FSTL5: variants seen among roughly 807,000 people sequenced by gnomAD.
FSTL5 encodes follistatin like 5.
Under a neutral mutation model 89.1 loss-of-function variants are expected in FSTL5, and 62 were observed. The ratio of observed to expected loss-of-function variants is 0.70; its 90% CI spans 0.57 to 0.86. The LOEUF is 0.86. FSTL5 is among the 40% of genes least tolerant of loss of function. The probability of loss-of-function intolerance (pLI) is 0.00; values close to 1 mark genes in which losing one functional copy is unlikely to be tolerated. For missense variants in FSTL5, 1,057 were observed against 1,001.6 expected (o/e 1.06, Z -0.75); for synonymous variants, 383 against 346.2 (o/e 1.11, Z -1.18).
intron 15 of FSTL5, among the ~76,000 whole-genome samples, chr4:161,436,448 A>G (rs1228275354): frequency 6.6e-6 from 1 of 152,096 alleles, no homozygotes; most frequent in Non-Finnish European, 1.5e-5. Context: ...CTATCCCTGG[A>G]CATTTTCATG....
intron 15 of FSTL5, among the ~76,000 whole-genome samples, chr4:161,406,576 A>C (rs1248634602): frequency 6.6e-6 from 1 of 152,124 alleles, no homozygotes; most frequent in African/African-American, 2.4e-5. Context: ...TTATTAAAAA[A>C]CAGTCTGGAG....
chr4:161,926,149 T>G (rs1053918449), intron 3 of FSTL5, among the ~76,000 whole-genome samples: 3 of 151,880 alleles, frequency 2.0e-5, no homozygotes, highest in African/African-American at 7.2e-5. Context: ...CACAGAAGAT[T>G]GAGCACAGTA....
At chr4:161,975,891 G>A (rs529934729) in intron 3 of FSTL5, among the ~76,000 whole-genome samples, 36 of 151,008 alleles carry the variant, frequency 2.4e-4, no homozygotes, top group African/African-American at 7.7e-4. Context: ...CGAGGCGGGC[G>A]GATCACGAGG....
At chr4:161,981,314 T>A (rs1200967148) in intron 3 of FSTL5, among the ~76,000 whole-genome samples, 1 of 152,122 alleles carries the variant, frequency 6.6e-6, no homozygotes, top group Non-Finnish European at 1.5e-5. Context: ...CATTAAAAGA[T>A]AAAGAAAATG....
intron 4 of FSTL5, among the ~76,000 whole-genome samples, chr4:161,782,537 C>A (rs1050747947): frequency 6.6e-6 from 1 of 151,978 alleles, no homozygotes; most frequent in Non-Finnish European, 1.5e-5. Flanking sequence ...CCTACCCTCG[C>A]TTTCTACACA....
intron 6 of FSTL5, among the ~76,000 whole-genome samples, chr4:161,681,414 T>G (rs1737514030): frequency 6.6e-6 from 1 of 152,112 alleles, no homozygotes. Flanking sequence ...TTTGTAAGTC[T>G]CAAATATGTT....
Position 161,418,858 on chromosome 4 carries a change from T to C in FSTL5, c.1842-32409A>G, listed in dbSNP as rs201666205. 3.5e-3 allele frequency among the ~76,000 whole-genome samples: 530 copies of C among 152,330 alleles called. 13 individuals are homozygous for C. In the East Asian group the frequency reaches 0.054, roughly 16 times the overall value. On this transcript the variant is annotated intron_variant, in intron 15 of 15. Coordinates refer to ENST00000306100, the MANE Select transcript of FSTL5 (RefSeq NM_020116.5). ...AAAATAGGCAACATAGTCTGTAATA[T>C]CAAATACAAGCTGCCTTGCATTATA...
At chr4:161,904,744 C>T (rs1733473115) in intron 4 of FSTL5, among the ~76,000 whole-genome samples, 1 of 151,594 alleles carries the variant, frequency 6.6e-6, no homozygotes, top group African/African-American at 2.4e-5. Flanking sequence ...ATAAATGTGC[C>T]TTCTTATTTA....
intron 6 of FSTL5, among the ~76,000 whole-genome samples, chr4:161,693,311 T>A (rs921112364): frequency 2.2e-4 from 34 of 152,212 alleles, no homozygotes; most frequent in African/African-American, 7.2e-5. Context: ...ATAATTCTAG[T>A]CTTACAGAAA....
intron 6 of FSTL5, among the ~76,000 whole-genome samples, chr4:161,744,866 C>A (rs1740141798): frequency 1.3e-5 from 2 of 151,698 alleles, no homozygotes; most frequent in Admixed American, 1.3e-4. Flanking sequence ...AATTTTAATG[C>A]TTTCAGGTAT....
chr4:161,479,414 TATTC>T (rs200037412), intron 13 of FSTL5, among the ~76,000 whole-genome samples: 2,413 of 152,274 alleles, frequency 0.016, 64 homozygotes, highest in African/African-American at 0.055. Context: ...AGATAATTTA[TATTC>T]AGAGAGTATA....
chr4:162,132,893 G>T (rs1732361576), intron 1 of FSTL5, among the ~76,000 whole-genome samples: 1 of 152,178 alleles, frequency 6.6e-6, no homozygotes, highest in South Asian at 2.1e-4. Context: ...TCGGACCTTT[G>T]TTAATTATTA....
intron 3 of FSTL5, among the ~76,000 whole-genome samples, chr4:161,969,732 C>T (rs1735428176): frequency 6.6e-6 from 1 of 151,862 alleles, no homozygotes; most frequent in Non-Finnish European, 1.5e-5. Context: ...TGGTATGCTG[C>T]AGGGAAATAG....
chr4:161,825,287 G>T (rs1266230728), intron 4 of FSTL5, among the ~76,000 whole-genome samples: 1 of 152,064 alleles, frequency 6.6e-6, no homozygotes, highest in Non-Finnish European at 1.5e-5. Flanking sequence ...CCTGGATTTG[G>T]CCACCTAGCA....
intron 4 of FSTL5, among the ~76,000 whole-genome samples, chr4:161,783,741 T>C (rs1464131056): frequency 9.7e-6 from 1 of 103,536 alleles, no homozygotes; most frequent in African/African-American, 3.6e-5. Flanking sequence ...CTTTTCTTTC[T>C]TTCTTTCTTT....
At chr4:161,433,562 C>T (rs1732455007) in intron 15 of FSTL5, among the ~76,000 whole-genome samples, 1 of 151,706 alleles carries the variant, frequency 6.6e-6, no homozygotes, top group South Asian at 2.1e-4. Flanking sequence ...CTAGCTAAAG[C>T]AATCAAACAA....
chr4:161,744,261 T>C (rs1560821129), intron 6 of FSTL5, among the ~76,000 whole-genome samples: 1 of 152,112 alleles, frequency 6.6e-6, no homozygotes, highest in African/African-American at 2.4e-5. Flanking sequence ...AAGAAATCTA[T>C]CTGCACCACA....
At chr4:161,809,431 T>G (rs1445925229) in intron 4 of FSTL5, among the ~76,000 whole-genome samples, 1 of 152,190 alleles carries the variant, frequency 6.6e-6, no homozygotes, top group Non-Finnish European at 1.5e-5. Flanking sequence ...TGGTGGTTTC[T>G]CTAAAAATTA....
intron 1 of FSTL5, among the ~76,000 whole-genome samples, chr4:162,140,463 G>C (rs1271885263): frequency 6.6e-6 from 1 of 152,190 alleles, no homozygotes; most frequent in African/African-American, 2.4e-5. Flanking sequence ...AAAGCTGCAA[G>C]TCATCATAAG....
Sources: gnomAD v4.1 joint callset for allele counts (sites outside exome capture counted in the v4.1 genomes callset) on GRCh38, gnomAD v4.1.1 for gene constraint, MANE v1.5 for transcripts, NCBI Gene and HGNC (gene_info 2026-07-23, HGNC 2026-07-21) for gene names.